ARRDC1: variants seen among roughly 807,000 people sequenced by gnomAD.
ARRDC1 encodes the protein arrestin domain containing 1, also known as arrestin domain-containing protein 1.
In ARRDC1, 37 loss-of-function variants were observed where a neutral mutation model predicts 40.1. That is an observed-to-expected ratio of 0.92 (90% CI 0.71 to 1.21). ARRDC1 has a LOEUF of 1.21. Ranked by LOEUF, ARRDC1 falls within the 50% of genes most tolerant of loss-of-function variation. The probability of loss-of-function intolerance (pLI) is 0.00; values close to 1 mark genes in which losing one functional copy is unlikely to be tolerated. For synonymous variants in ARRDC1, 310 were observed against 262.5 expected, an observed-to-expected ratio of 1.18 and a Z score of -1.75; for missense variants, 641 against 581.9, an observed-to-expected ratio of 1.10 and a Z score of -1.04.
chr9:137,606,581 A>C (rs541975035), intron 1 of ARRDC1, among the ~76,000 whole-genome samples: 128 of 152,362 alleles, frequency 8.4e-4, no homozygotes, highest in Admixed American at 2.7e-3. Flanking sequence ...GAGAACCCAC[A>C]GTCTCTGTTC....
At chr9:137,607,240 C>T (rs975408432) in intron 1 of ARRDC1, among the ~76,000 whole-genome samples, 1 of 152,236 alleles carries the variant, frequency 6.6e-6, no homozygotes, top group East Asian at 1.9e-4. Flanking sequence ...GGGGGTTTCC[C>T]CCAGCCCTGC....
At chr9:137,608,107 T>G (rs1001538098) in intron 1 of ARRDC1, among the ~76,000 whole-genome samples, 4 of 152,084 alleles carry the variant, frequency 2.6e-5, no homozygotes, top group Admixed American at 6.6e-5. Context: ...CTCAGCCTCC[T>G]TAAGAGCTGG....
rs572085119 is a variant in ARRDC1 at position 137,611,562 on chromosome 9, AAACAACAAC to A, written c.119-1316_119-1308del. The A allele has an allele frequency of 4.0e-3, 606 of 152,824 alleles. 1 individual carries two copies. Among genetic ancestry groups the A allele is most frequent in the African/African-American group, 4.5e-3 (186 of 41,092 alleles). 9.5% of individuals were successfully genotyped at this position (152,824 alleles called of 1,614,324 possible). On this transcript the variant is annotated intron_variant, in intron 1 of 7. Transcript: ENST00000371421. ...CGGCGGGAGTGAGACCGTGTCTCAAAAACAACAACAACAACAACAACAACAAAAAAACAA... is the reference window on the plus strand; with the variant it reads ...CGGCGGGAGTGAGACCGTGTCTCAAAAACAACAACAACAACAAAAAAACAA...
At position 137,614,189 on chromosome 9, in the gene ARRDC1, G is replaced by A; in HGVS notation, c.593G>A (p.Ser198Asn). 1.9e-6 allele frequency: 3 copies of A among 1,604,600 alleles called. No individual in the cohort carries two copies. The highest frequency in any genetic ancestry group is 2.6e-6 in the Non-Finnish European group (3 of 1,173,512). Residue 198 changes from serine to asparagine, a missense_variant, in exon 5 of 8, where the codon AGC becomes AAC. Transcript: ENST00000371421. The part of the protein sequence containing the change: ...DVENQSGKDT[S>N]PVVASLLQKV... ...GAGAACCAGTCAGGCAAGGACACCA[G>A]CCCTGTGGTGGCCAGTCTGCTGCAG...
At chr9:137,605,959 C>T (rs1446724540) in intron 1 of ARRDC1, 124 bp downstream of exon 1, 1 of 513,862 alleles carries the variant, frequency 1.9e-6, no homozygotes, top group African/African-American at 2.0e-5. Flanking sequence ...CCGCCCGGGA[C>T]TGCTGGGAAG....
intron 1 of ARRDC1, among the ~76,000 whole-genome samples, chr9:137,609,578 C>T (rs944846794): frequency 2.6e-5 from 4 of 151,138 alleles, no homozygotes; most frequent in African/African-American, 9.8e-5. Flanking sequence ...CTTTGTCACC[C>T]AGACTGGAGT....
chr9:137,613,438 C>T lies in ARRDC1; in HGVS notation c.230-22C>T, dbSNP rs911058575. ...GCCACCTCAGGGGGGGACTGCCCCC[C>T]ACCTCCCTCCTGTCTCTGCAGGGAG... On this transcript the variant is annotated intron_variant, in intron 2 of 7. Coordinates refer to ENST00000371421, the MANE Select transcript of ARRDC1 (RefSeq NM_152285.4). The T allele has an allele frequency of 4.4e-6, 7 of 1,607,394 alleles. No individual in the cohort carries two copies. In the African/African-American group the frequency reaches 9.4e-5, roughly 21 times the overall value.
chr9:137,609,490 T>C (rs1324019867), intron 1 of ARRDC1, among the ~76,000 whole-genome samples: 1 of 152,092 alleles, frequency 6.6e-6, no homozygotes, highest in Non-Finnish European at 1.5e-5. Flanking sequence ...CGCCTCAGCC[T>C]CTTAAAGTGC....
chr9:137,611,610 G>A (rs953223635), intron 1 of ARRDC1: 5 of 153,408 alleles, frequency 3.3e-5, no homozygotes, highest in Admixed American at 2.0e-4. Flanking sequence ...ATGGACCGAG[G>A]TTGGGGTGGC....
At chr9:137,610,986 T>C (rs1164665608) in intron 1 of ARRDC1, among the ~76,000 whole-genome samples, 2 of 151,940 alleles carry the variant, frequency 1.3e-5, no homozygotes, top group East Asian at 1.9e-4. Flanking sequence ...TGTGAGCCAC[T>C]GCACCCAGCT....
chr9:137,610,902 A>G (rs924076275), intron 1 of ARRDC1, among the ~76,000 whole-genome samples: 5 of 151,872 alleles, frequency 3.3e-5, no homozygotes, highest in East Asian at 3.9e-4. Context: ...TCACCATGTC[A>G]GCCAGGCTGG....
At chr9:137,609,079 C>A (rs905543704) in intron 1 of ARRDC1, among the ~76,000 whole-genome samples, 3 of 152,144 alleles carry the variant, frequency 2.0e-5, no homozygotes, top group Non-Finnish European at 4.4e-5. Flanking sequence ...GGTTAAATAC[C>A]ATGAGATTCT....
rs1198596950 is a variant in ARRDC1, at chr9:137,614,957, C to G, written c.1194C>G (p.Thr398=). 1.2e-6 allele frequency: 2 copies of G among 1,613,930 alleles called. No homozygotes were observed. The highest frequency in any genetic ancestry group is 2.2e-5 in the East Asian group (1 of 44,884). ...GSGGPVPTTS[T]LILPPEYSSW... is the part of the protein sequence containing the mutation. ...GGGGGCCAGTGCCCACTACCAGCAC[C>G]TTGATTCTTCCTCCAGAGTACAGTT... is the stretch of plus-strand genomic sequence containing the variant. The change falls in exon 7 of 8, where the codon ACC becomes ACG. Residue 398 remains threonine, a synonymous_variant. Coordinates refer to ENST00000371421, the MANE Select transcript of ARRDC1 (RefSeq NM_152285.4).
chr9:137,615,352 ATT>A lies in ARRDC1; in HGVS notation c.*216_*217del. 1.8e-6 allele frequency: 1 copy of A among 551,930 alleles called. No homozygotes were observed. Among genetic ancestry groups the A allele is most frequent in the Non-Finnish European group, 3.1e-6 (1 of 326,654 alleles). 34.2% of individuals were successfully genotyped at this position (551,930 alleles called of 1,614,324 possible). A position where few individuals can be genotyped will look rare whatever the true frequency, so the allele number is the denominator to read the frequency against. On this transcript the variant is annotated 3_prime_UTR_variant, in exon 8 of 8. Coordinates refer to ENST00000371421, the MANE Select transcript of ARRDC1 (RefSeq NM_152285.4). ...ACAACTCCTGTAAATAAAACACTTT[ATT>A]TGTAGAGCTGGGCCTCACCGGCCTC...
chr9:137,608,777 G>A (rs1004026357), intron 1 of ARRDC1, among the ~76,000 whole-genome samples: 2 of 152,256 alleles, frequency 1.3e-5, no homozygotes, highest in African/African-American at 4.8e-5. Context: ...GCTGGCAGCT[G>A]TGCGGGAGCC....
In ARRDC1 at chr9:137,605,800, T is replaced by C; in HGVS notation, c.83T>C (p.Val28Ala). ...YSPGEPLAGT[V>A]RVRLGAPLPF... is the part of the protein sequence containing the mutation. ...CCCGGGGAGCCGTTGGCTGGGACCGTGCGCGTGCGCCTGGGGGCACCGCTG... is the reference window on the plus strand; with the variant it reads ...CCCGGGGAGCCGTTGGCTGGGACCGCGCGCGTGCGCCTGGGGGCACCGCTG... Residue 28 changes from valine to alanine, a missense_variant, in exon 1 of 8, where the codon GTG becomes GCG. Transcript: ENST00000371421. 7.7e-7 allele frequency: 1 copy of C among 1,296,724 alleles called. No individual in the cohort carries two copies. Among genetic ancestry groups the C allele is most frequent in the Non-Finnish European group, 9.8e-7 (1 of 1,022,878 alleles). The allele number at this position is 1,296,724 out of a possible 1,614,324, so 80.3% of individuals were successfully genotyped here.
chr9:137,612,816 A>T, intron 1 of ARRDC1, 80 bp from the exon 2 acceptor site: 1 of 1,112,662 alleles, frequency 9.0e-7, no homozygotes, highest in Non-Finnish European at 1.3e-6. Flanking sequence ...GCTTGGCCCC[A>T]GGTCGAATTC....
chr9:137,609,262 G>T (rs567675308), intron 1 of ARRDC1, among the ~76,000 whole-genome samples: 2 of 152,056 alleles, frequency 1.3e-5, no homozygotes, highest in East Asian at 3.9e-4. Flanking sequence ...TATTTACGTT[G>T]CTCTTGTTAC....
intron 1 of ARRDC1, among the ~76,000 whole-genome samples, chr9:137,609,375 C>T (rs573245220): frequency 3.8e-4 from 58 of 152,268 alleles, no homozygotes; most frequent in Non-Finnish European, 7.5e-4. Flanking sequence ...GCTGGGACTA[C>T]AGGCACGCGC....
Sources: allele counts gnomAD v4.1 joint callset (sites outside exome capture counted in the v4.1 genomes callset), GRCh38; gene constraint gnomAD v4.1.1; transcripts MANE v1.5; gene names NCBI Gene and HGNC (gene_info 2026-07-23, HGNC 2026-07-21).